CNTNAP2: variants seen among roughly 807,000 people sequenced by gnomAD.
CNTNAP2 encodes the protein contactin-associated protein-like 2.
A neutral mutation model predicts 155.2 loss-of-function variants in CNTNAP2; 98 were observed. The ratio of observed to expected loss-of-function variants is 0.63; its 90% CI spans 0.54 to 0.75. CNTNAP2 has a LOEUF of 0.75. CNTNAP2 is among the 30% of genes least tolerant of loss of function. The probability of loss-of-function intolerance (pLI) is 0.00; values close to 1 mark genes in which losing one functional copy is unlikely to be tolerated. For synonymous variants in CNTNAP2, 651 were observed against 631.2 expected (o/e 1.03, Z -0.47); for missense variants, 1,727 against 1,688.1 (o/e 1.02, Z -0.40).
At chr7:148,144,291 C>A (rs1225503516) in intron 16 of CNTNAP2, among the ~76,000 whole-genome samples, 2 of 152,144 alleles carry the variant, frequency 1.3e-5, no homozygotes, top group East Asian at 1.9e-4. Context: ...CTCTCCGGGG[C>A]AGAAATTGAG....
At chr7:146,353,981 C>T (rs12539872) in intron 1 of CNTNAP2, among the ~76,000 whole-genome samples, 3,041 of 152,098 alleles carry the variant, frequency 0.02, 43 homozygotes, top group Non-Finnish European at 0.028. Flanking sequence ...TATTTATTAA[C>T]GTTAGCTAAG....
intron 13 of CNTNAP2, among the ~76,000 whole-genome samples, chr7:147,823,273 G>A (rs1798390166): frequency 6.6e-6 from 1 of 152,170 alleles, no homozygotes; most frequent in Admixed American, 6.5e-5. Context: ...CTGCCCTGCT[G>A]CTAAAAGCTA....
rs1349197281 is a variant in CNTNAP2 at position 147,977,782 on chromosome 7, G to A, written c.2256-80G>A. ...AACGATTACTGAAATGTCATCATTAGACAACGTAAGCAACTAGCAGAAAAT... is the reference window on the plus strand; with the variant it reads ...AACGATTACTGAAATGTCATCATTAAACAACGTAAGCAACTAGCAGAAAAT... On this transcript the variant is annotated intron_variant, in intron 14 of 23. Coordinates refer to ENST00000361727, the MANE Select transcript of CNTNAP2 (RefSeq NM_014141.6). 2.2e-5 allele frequency: 35 copies of A among 1,581,402 alleles called. No individual in the cohort carries two copies. In the South Asian group the frequency reaches 2.8e-4, roughly 13 times the overall value.
intron 1 of CNTNAP2, among the ~76,000 whole-genome samples, chr7:146,365,455 A>G (rs565671550): frequency 6.6e-6 from 1 of 152,302 alleles, no homozygotes; most frequent in South Asian, 2.1e-4. Flanking sequence ...AAACACTTAT[A>G]GTAATTAAAT....
At chr7:146,875,214 T>C (rs1014025524) in intron 3 of CNTNAP2, among the ~76,000 whole-genome samples, 1 of 152,196 alleles carries the variant, frequency 6.6e-6, no homozygotes, top group Non-Finnish European at 1.5e-5. Flanking sequence ...CATATTTTCA[T>C]GAGAAGCTGA....
chr7:148,044,705 T>C (rs1464926405), intron 15 of CNTNAP2: 1 of 152,318 alleles, frequency 6.6e-6, no homozygotes, highest in Non-Finnish European at 1.5e-5. Flanking sequence ...TCCAGAACTG[T>C]AAGCAATCTG....
chr7:147,574,887 C>A (rs565611426), intron 12 of CNTNAP2, among the ~76,000 whole-genome samples: 1 of 152,102 alleles, frequency 6.6e-6, no homozygotes, highest in Non-Finnish European at 1.5e-5. Context: ...ACCTAGGGAT[C>A]TACTATCTGT....
At chr7:147,255,003 G>A (rs989270293) in intron 8 of CNTNAP2, among the ~76,000 whole-genome samples, 1 of 152,104 alleles carries the variant, frequency 6.6e-6, no homozygotes, top group Non-Finnish European at 1.5e-5. Context: ...TGTATTGGCA[G>A]CACATGTGAA....
intron 1 of CNTNAP2, among the ~76,000 whole-genome samples, chr7:146,640,041 C>T (rs138004418): frequency 5.9e-5 from 9 of 152,324 alleles, no homozygotes; most frequent in South Asian, 2.1e-4. Flanking sequence ...TTAAGTTCCA[C>T]GGCAGGGTGC....
intron 13 of CNTNAP2, chr7:147,672,279 C>A (rs1795800007): frequency 6.6e-6 from 1 of 152,130 alleles, no homozygotes; most frequent in Non-Finnish European, 1.5e-5. Flanking sequence ...AAGTAGCCCA[C>A]AAATACCATG....
chr7:147,884,722 C>T (rs1396326527), intron 13 of CNTNAP2, among the ~76,000 whole-genome samples: 1 of 152,142 alleles, frequency 6.6e-6, no homozygotes, highest in Non-Finnish European at 1.5e-5. Flanking sequence ...AAATCTGCCA[C>T]TTATTATTGT....
intron 9 of CNTNAP2, among the ~76,000 whole-genome samples, chr7:147,313,566 T>C (rs1438275511): frequency 1.4e-5 from 2 of 147,870 alleles, no homozygotes; most frequent in Non-Finnish European, 3.0e-5. Flanking sequence ...AAAGATCAGA[T>C]AGTTGTAGAT....
intron 1 of CNTNAP2, among the ~76,000 whole-genome samples, chr7:146,693,033 C>G (rs927242780): frequency 2.0e-5 from 3 of 152,016 alleles, no homozygotes; most frequent in Non-Finnish European, 4.4e-5. Context: ...AGTTTTAATT[C>G]TGATTGTGTC....
At chr7:146,978,582 C>T (rs1276079354) in intron 3 of CNTNAP2, among the ~76,000 whole-genome samples, 1 of 151,946 alleles carries the variant, frequency 6.6e-6, no homozygotes, top group African/African-American at 2.4e-5. Flanking sequence ...ATTGTGTTCT[C>T]TCTCTCCCTC....
intron 8 of CNTNAP2, among the ~76,000 whole-genome samples, chr7:147,158,974 T>C (rs1028289732): frequency 9.9e-5 from 15 of 152,084 alleles, no homozygotes; most frequent in African/African-American, 3.6e-4. Context: ...AGTAACTTGC[T>C]TCCCTGAGGA....
rs145895205 is a variant in CNTNAP2, at chr7:148,286,897, A to G, written c.3475+19771A>G. 9.6e-3 allele frequency among the ~76,000 whole-genome samples: 1,463 copies of G among 152,324 alleles called. 27 individuals are homozygous for G. Among genetic ancestry groups the G allele is most frequent in the African/African-American group, 0.033 (1,378 of 41,560 alleles). On this transcript the variant is annotated intron_variant, in intron 21 of 23. Coordinates refer to ENST00000361727, the MANE Select transcript of CNTNAP2 (RefSeq NM_014141.6). ...ATACATAGTTTCTCTTCTTATTAAC[A>G]TCTTTCTACGTCATGTTTTTGGTGT...
chr7:146,459,345 G>A (rs1796603661), intron 1 of CNTNAP2, among the ~76,000 whole-genome samples: 1 of 152,148 alleles, frequency 6.6e-6, no homozygotes, highest in Admixed American at 6.5e-5. Flanking sequence ...CCAGTCATGT[G>A]ATATTAGCTC....
intron 8 of CNTNAP2, among the ~76,000 whole-genome samples, chr7:147,217,280 G>A (rs1803295031): frequency 6.6e-6 from 1 of 151,916 alleles, no homozygotes; most frequent in South Asian, 2.1e-4. Flanking sequence ...GATGTTGGCT[G>A]TAGATTTTTT....
chr7:147,371,242 G>A (rs1274907496), intron 9 of CNTNAP2, among the ~76,000 whole-genome samples: 2 of 152,086 alleles, frequency 1.3e-5, no homozygotes, highest in African/African-American at 4.8e-5. Flanking sequence ...GGAATTAGCT[G>A]AGTGATCTAC....
Sources: allele counts gnomAD v4.1 joint callset (sites outside exome capture counted in the v4.1 genomes callset), GRCh38; gene constraint gnomAD v4.1.1; transcripts MANE v1.5; gene names NCBI Gene and HGNC (gene_info 2026-07-23, HGNC 2026-07-21).